The following ADGRB3 variants were observed in gnomAD, a reference collection of about 807,000 sequenced individuals.
ADGRB3 encodes brain-specific angiogenesis inhibitor 3.
A neutral mutation model predicts 193.4 loss-of-function variants in ADGRB3; 37 were observed. The ratio of observed to expected loss-of-function variants is 0.19; its 90% CI spans 0.15 to 0.25. ADGRB3 has a LOEUF of 0.25. ADGRB3 is among the 10% of genes least tolerant of loss of function. The pLI, the probability that ADGRB3 is intolerant of heterozygous loss-of-function variation, is 1.00. For missense variants in ADGRB3, 1,637 were observed against 1,852.9 expected, an observed-to-expected ratio of 0.88 and a Z score of 2.14; for synonymous variants, 690 against 644.2, an observed-to-expected ratio of 1.07 and a Z score of -1.08.
intron 3 of ADGRB3, among the ~76,000 whole-genome samples, chr6:68,749,982 C>T (rs547067127): frequency 2.0e-5 from 3 of 152,152 alleles, no homozygotes; most frequent in African/African-American, 4.8e-5. Context: ...TGTAACCTCT[C>T]TATGTTAATC....
chr6:69,368,299 G>A (rs148359363), intron 29 of ADGRB3, among the ~76,000 whole-genome samples: 2,337 of 152,234 alleles, frequency 0.015, 54 homozygotes, highest in African/African-American at 0.054. Context: ...CAGTCAGAAA[G>A]CTGCTGAAGT....
intron 6 of ADGRB3, among the ~76,000 whole-genome samples, chr6:68,954,306 G>A (rs1255035637): frequency 6.6e-6 from 1 of 151,944 alleles, no homozygotes; most frequent in Admixed American, 6.6e-5. Context: ...TTATTTCTGT[G>A]TATCTTGTTA....
At chr6:68,636,339 C>G (rs1032906334) in intron 1 of ADGRB3, among the ~76,000 whole-genome samples, 2 of 151,856 alleles carry the variant, frequency 1.3e-5, no homozygotes, top group Non-Finnish European at 2.9e-5. Context: ...GGGGAAAAAT[C>G]TGTGGAGTGA....
intron 3 of ADGRB3, among the ~76,000 whole-genome samples, chr6:68,664,654 A>G (rs1768755261): frequency 6.6e-6 from 1 of 151,850 alleles, no homozygotes. Context: ...TGACTAAGAT[A>G]GATACCTCTG....
At chr6:69,305,541 G>A (rs1768050309) in intron 20 of ADGRB3, among the ~76,000 whole-genome samples, 1 of 151,248 alleles carries the variant, frequency 6.6e-6, no homozygotes, top group South Asian at 2.1e-4. Flanking sequence ...CCTTCTGCAT[G>A]TAAGTCCCTT....
chr6:68,858,498 C>CAAA (rs11435140), intron 3 of ADGRB3, among the ~76,000 whole-genome samples: 3 of 76,724 alleles, frequency 3.9e-5, no homozygotes, highest in Non-Finnish European at 7.7e-5. Flanking sequence ...TGCAACACTC[C>CAAA]AAAAAAAAAA....
In ADGRB3 at chr6:68,772,912, T is replaced by A. The variant is rs546301093; in HGVS notation, c.757+133480T>A. On this transcript the variant is annotated intron_variant, in intron 3 of 31. Transcript: ENST00000370598. ...AAAAAAAAATATATATATATATATA[T>A]ATATATATATATATATATATACATA... Among the ~76,000 whole-genome samples the A allele has an allele frequency of 4.3e-3, 226 of 52,124 alleles. 1 individual carries two copies. The highest frequency in any genetic ancestry group is 0.022 in the Middle Eastern group (2 of 90). 34.2% of individuals were successfully genotyped at this position (52,124 alleles called of 152,430 possible).
At chr6:69,075,525 A>G (rs903608595) in intron 16 of ADGRB3, among the ~76,000 whole-genome samples, 4 of 152,204 alleles carry the variant, frequency 2.6e-5, no homozygotes, top group African/African-American at 7.2e-5. Context: ...CCAGAAATGA[A>G]CATCTCTTAT....
intron 3 of ADGRB3, among the ~76,000 whole-genome samples, chr6:68,708,259 C>G (rs1032061796): frequency 1.3e-5 from 2 of 152,066 alleles, no homozygotes; most frequent in Admixed American, 6.5e-5. Flanking sequence ...AGAGATATAA[C>G]CCAAGCTATA....
At chr6:68,911,081 T>C (rs988953856) in intron 3 of ADGRB3, among the ~76,000 whole-genome samples, 5 of 152,198 alleles carry the variant, frequency 3.3e-5, no homozygotes. Context: ...CATGGAACTA[T>C]GCAGCCATAA....
At chr6:69,134,191 A>ACACTCTCTC (rs1774088296) in intron 17 of ADGRB3, among the ~76,000 whole-genome samples, 1 of 152,038 alleles carries the variant, frequency 6.6e-6, no homozygotes, top group South Asian at 2.1e-4. Context: ...CTTTAAATAA[A>ACACTCTCTC]CACTCTCTCT....
intron 11 of ADGRB3, among the ~76,000 whole-genome samples, chr6:69,004,064 A>G (rs937790575): frequency 2.6e-5 from 4 of 152,188 alleles, no homozygotes; most frequent in African/African-American, 9.7e-5. Context: ...GAAAATATTG[A>G]GATTTGCATT....
rs149298585 is a variant in ADGRB3 at position 69,339,416 on chromosome 6, G to A, written c.3371G>A (p.Arg1124His). The part of the protein sequence containing the change: ...MSAVLAMTDK[R>H]SILFQILFAV... ...GCGGTTCTGGCCATGACAGATAAAC[G>A]CTCCATATTGTTTCAAATACTTTTT... Residue 1124 changes from arginine to histidine, a missense_variant, in exon 26 of 32, where the codon CGC becomes CAC. Physicochemically the swap from Arg to His is conservative, Grantham distance 29 (BLOSUM62 0). This residue lies in a region of ADGRB3 where 116 missense variants were observed against 168.1 expected (regional missense o/e 0.69). Coordinates refer to ENST00000370598, the MANE Select transcript of ADGRB3 (RefSeq NM_001704.3). 1.3e-5 allele frequency: 21 copies of A among 1,613,858 alleles called. No individual in the cohort carries two copies. The highest frequency in any genetic ancestry group is 1.7e-5 in the Admixed American group (1 of 59,980).
intron 3 of ADGRB3, among the ~76,000 whole-genome samples, chr6:68,905,506 A>G (rs1766518939): frequency 6.6e-6 from 1 of 152,218 alleles, no homozygotes; most frequent in South Asian, 2.1e-4. Context: ...TTTGTAGCAA[A>G]TAGGCTATGA....
intron 17 of ADGRB3, among the ~76,000 whole-genome samples, chr6:69,133,682 T>C (rs1271109331): frequency 6.6e-6 from 1 of 151,456 alleles, no homozygotes; most frequent in African/African-American, 2.4e-5. Context: ...AAATTTCTTT[T>C]TTTTTCTTAT....
intron 20 of ADGRB3, among the ~76,000 whole-genome samples, chr6:69,276,286 C>T (rs1199988501): frequency 6.6e-6 from 1 of 152,146 alleles, no homozygotes; most frequent in Non-Finnish European, 1.5e-5. Flanking sequence ...CCACAAATGA[C>T]ATTTAGTATC....
chr6:69,315,317 T>C (rs879584505), intron 20 of ADGRB3, among the ~76,000 whole-genome samples: 1 of 151,548 alleles, frequency 6.6e-6, no homozygotes, highest in Admixed American at 6.6e-5. Flanking sequence ...ATATTTCCTC[T>C]ACAGCATTGC....
chr6:68,837,516 AT>A (rs1447307994), intron 3 of ADGRB3, among the ~76,000 whole-genome samples: 1 of 152,228 alleles, frequency 6.6e-6, no homozygotes, highest in East Asian at 1.9e-4. Flanking sequence ...AAATGTAAAG[AT>A]TTCTGTAGAG....
At chr6:69,054,752 T>C (rs1028585310) in intron 15 of ADGRB3, among the ~76,000 whole-genome samples, 1 of 152,156 alleles carries the variant, frequency 6.6e-6, no homozygotes, top group Non-Finnish European at 1.5e-5. Context: ...TCTACATATC[T>C]TAGCAACCTA....
Sources: gnomAD v4.1 joint callset for allele counts (sites outside exome capture counted in the v4.1 genomes callset) on GRCh38, gnomAD v4.1.1 for gene constraint, gnomAD v4.1.1 regional missense constraint, MANE v1.5 for transcripts, NCBI Gene and HGNC (gene_info 2026-07-23, HGNC 2026-07-21) for gene names.